Variants in EFNA4 observed in about 807,000 individuals in gnomAD.
EFNA4 encodes ephrin A4, also known as ephrin-A4.
A neutral mutation model predicts 23.7 loss-of-function variants in EFNA4; 22 were observed. That is an observed-to-expected ratio of 0.93 (90% confidence interval 0.66 to 1.32). The LOEUF (loss-of-function observed/expected upper bound fraction) is 1.32. EFNA4 is among the 40% of genes most tolerant of loss of function. The probability of loss-of-function intolerance (pLI) is 0.00; values close to 1 mark genes in which losing one functional copy is unlikely to be tolerated. For missense variants in EFNA4, 252 were observed against 252.3 expected (o/e 1.00, Z 0.01); for synonymous variants, 113 against 108.3 (o/e 1.04, Z -0.27).
chr1:155,067,438 G>T lies in EFNA4; in HGVS notation c.467G>T (p.Arg156Met). 6.2e-7 allele frequency: 1 copy of T among 1,614,174 alleles called. No homozygotes were observed. The highest frequency in any genetic ancestry group is 8.5e-7 in the Non-Finnish European group (1 of 1,180,022). Residue 156 changes from arginine to methionine, a missense_variant and splice_region_variant, in exon 3 of 4, where the codon AGG (arginine) becomes ATG (methionine). Physicochemically the swap from Arg to Met is moderately conservative, Grantham distance 91. Coordinates refer to ENST00000368409, the MANE Select transcript of EFNA4 (RefSeq NM_005227.3). ...CAGGTGTCTGTCTGCTGCAAGGAGAGGAGTAAGTGGGTTGGGAGCATGGAC... is the reference window on the plus strand; with the variant it reads ...CAGGTGTCTGTCTGCTGCAAGGAGATGAGTAAGTGGGTTGGGAGCATGGAC... ...RLQVSVCCKE[R>M]KSESAHPVGS...
intron 3 of EFNA4, among the ~76,000 whole-genome samples, chr1:155,068,356 C>G (rs1663100229): frequency 6.8e-6 from 1 of 146,844 alleles, no homozygotes; most frequent in Non-Finnish European, 1.5e-5. Context: ...ACCTCACCCT[C>G]CTGGGTGCAA....
Position 155,069,113 on chromosome 1 carries a change from G to T in EFNA4, c.*124G>T, listed in dbSNP as rs1484635748. ...CAGACCGACAAGATGGAGCATTGAT[G>T]GGGGAGATCAGAGGGTCTGAGGTGA... On this transcript the variant is annotated 3_prime_UTR_variant, in exon 4 of 4. Transcript: ENST00000368409. 10 of 1,611,048 alleles carry T rather than the reference G, an allele frequency of 6.2e-6. No individual in the cohort carries two copies. The highest frequency in any genetic ancestry group is 1.7e-5 in the Admixed American group (1 of 58,836).
rs71077978 is a variant in EFNA4 at position 155,068,427 on chromosome 1, ATTTTTTTTTT to A, written c.470-401_470-392del. Among the ~76,000 whole-genome samples the A allele has an allele frequency of 7.1e-3, 179 of 25,372 alleles. 2 individuals are homozygous for A. Among genetic ancestry groups the A allele is most frequent in the South Asian group, 0.011 (4 of 354 alleles). The allele number at this position is 25,372 out of a possible 152,430, so 16.6% of individuals were successfully genotyped here. A position where few individuals can be genotyped will look rare whatever the true frequency, so the allele number is the denominator to read the frequency against. ...ACTACAGGTGTGTGCCACCCAGCTG[ATTTTTTTTTT>A]TTTTTTTTTTTTTTTTTTTTTTTTA... On this transcript the variant is annotated intron_variant, in intron 3 of 3. Coordinates refer to ENST00000368409, the MANE Select transcript of EFNA4 (RefSeq NM_005227.3).
chr1:155,065,258 C>G (rs1240849592), intron 1 of EFNA4, among the ~76,000 whole-genome samples: 1 of 152,196 alleles, frequency 6.6e-6, no homozygotes, highest in Non-Finnish European at 1.5e-5. Context: ...TGATACAGGT[C>G]GTCCTTGGAC....
intron 1 of EFNA4, among the ~76,000 whole-genome samples, chr1:155,066,261 G>A (rs551252602): frequency 6.6e-6 from 1 of 152,188 alleles, no homozygotes; most frequent in East Asian, 1.9e-4. Flanking sequence ...TGTTTGAGGA[G>A]ACCTTTCCCA....
chr1:155,067,529 T>C, intron 3 of EFNA4, 89 bp downstream of exon 3: 1 of 1,448,194 alleles, frequency 6.9e-7, no homozygotes, highest in South Asian at 1.2e-5. Flanking sequence ...AGGATCAGAC[T>C]CCAGGGGTCC....
intron 1 of EFNA4, among the ~76,000 whole-genome samples, chr1:155,064,637 G>A (rs1662953199): frequency 6.6e-6 from 1 of 152,162 alleles, no homozygotes; most frequent in African/African-American, 2.4e-5. Flanking sequence ...CTCCTGAGCT[G>A]CCTGCCTTTG....
In EFNA4 at chr1:155,066,794, C is replaced by G. The variant is rs148289726; in HGVS notation, c.178C>G (p.His60Asp). 9 of 1,612,620 alleles carry G rather than the reference C, an allele frequency of 5.6e-6. No individual in the cohort carries two copies. The highest frequency in any genetic ancestry group is 1.7e-5 in the Admixed American group (1 of 59,636). The change falls in exon 2 of 4, where the codon CAC (histidine) becomes GAC (aspartate). Residue 60 changes from histidine (H) to aspartate (D), a missense_variant. Coordinates refer to ENST00000368409, the MANE Select transcript of EFNA4 (RefSeq NM_005227.3). ...LNDYLDIVCP[H>D]YEGPGPPEGP... Reference sequence around the variant, plus strand: ...CGATTACCTAGACATTGTCTGCCCCCACTACGAAGGCCCAGGGCCCCCTGA... The same window carrying G: ...CGATTACCTAGACATTGTCTGCCCCGACTACGAAGGCCCAGGGCCCCCTGA...
At chr1:155,066,390 C>A (rs1571652860) in intron 1 of EFNA4, among the ~76,000 whole-genome samples, 1 of 152,166 alleles carries the variant, frequency 6.6e-6, no homozygotes, top group African/African-American at 2.4e-5. Flanking sequence ...GGTGCTATAC[C>A]ACATTGAGTG....
chr1:155,069,005 CCT>C lies in EFNA4; in HGVS notation c.*20_*21del, dbSNP rs1558141164. 2 of 1,613,602 alleles carry C rather than the reference CCT, an allele frequency of 1.2e-6. No individual in the cohort carries two copies. The highest frequency in any genetic ancestry group is 1.7e-4 in the Middle Eastern group (1 of 6,052). On this transcript the variant is annotated 3_prime_UTR_variant, in exon 4 of 4. Transcript: ENST00000368409. ...AATTCTGTGAGCCAAGCAGACCTTC[CCT>C]CTCATCCCAAGGAGCCAGAGTCCTC...
At chr1:155,068,820 GGACTGATCA>G in intron 3 of EFNA4, 24 bp from the exon 4 acceptor site, 1 of 1,574,626 alleles carries the variant, frequency 6.4e-7, no homozygotes, top group South Asian at 1.2e-5. Flanking sequence ...TAAAGTGGGA[GGACTGATCA>G]GTGCTACCCC....
At chr1:155,064,415 T>G (rs903884311) in intron 1 of EFNA4, among the ~76,000 whole-genome samples, 1 of 152,242 alleles carries the variant, frequency 6.6e-6, no homozygotes, top group Admixed American at 6.5e-5. Flanking sequence ...CATCTCTGTC[T>G]TTATTGGTCC....
chr1:155,064,524 G>T (rs1354288970), intron 1 of EFNA4, among the ~76,000 whole-genome samples: 1 of 152,104 alleles, frequency 6.6e-6, no homozygotes, highest in East Asian at 1.9e-4. Flanking sequence ...CTGTATAATG[G>T]GCTAATAATA....
At chr1:155,064,056 T>C (rs552953766) in intron 1 of EFNA4, 120 bp downstream of exon 1, 1 of 723,418 alleles carries the variant, frequency 1.4e-6, no homozygotes, top group Non-Finnish European at 2.0e-6. Flanking sequence ...CGGGGCTCCT[T>C]TGTTTGAGCC....
At chr1:155,065,383 C>T (rs1173534663) in intron 1 of EFNA4, among the ~76,000 whole-genome samples, 1 of 152,138 alleles carries the variant, frequency 6.6e-6, no homozygotes, top group South Asian at 2.1e-4. Flanking sequence ...CCCACCTGTG[C>T]TGGCTTCCCC....
chr1:155,064,113 C>T (rs549822595), intron 1 of EFNA4, among the ~76,000 whole-genome samples, 177 bp downstream of exon 1: 2 of 152,320 alleles, frequency 1.3e-5, no homozygotes, highest in South Asian at 4.1e-4. Flanking sequence ...CCCTGGGTCT[C>T]CCCACAGCCC....
chr1:155,067,754 T>C (rs1663086260), intron 3 of EFNA4, among the ~76,000 whole-genome samples: 1 of 152,004 alleles, frequency 6.6e-6, no homozygotes, highest in South Asian at 2.1e-4. Flanking sequence ...CCGGAGTAGC[T>C]GGGACTACAG....
chr1:155,063,741 C>A lies in EFNA4; in HGVS notation c.-83C>A. The A allele has an allele frequency of 7.9e-7, 1 of 1,270,256 alleles. No homozygotes were observed. Among genetic ancestry groups the A allele is most frequent in the Non-Finnish European group, 1.0e-6 (1 of 953,696 alleles). 78.7% of individuals were successfully genotyped at this position (1,270,256 alleles called of 1,614,324 possible). A position where few individuals can be genotyped will look rare whatever the true frequency, so the allele number is the denominator to read the frequency against. ...ACCCCACTCCCCTTTCCGCAACTTC[C>A]CTCTTCACTTTGTACCTTTCTCTCC... On this transcript the variant is annotated 5_prime_UTR_variant, in exon 1 of 4. Transcript: ENST00000368409. This position sits in a 1 kb window ranked among gnomAD's most constrained non-coding sequence, Gnocchi z 4.1.
Position 155,063,930 on chromosome 1 carries a change from A to G in EFNA4, c.107A>G (p.Asn36Ser). 1 of 1,558,866 alleles carries G rather than the reference A, an allele frequency of 6.4e-7. No individual in the cohort carries two copies. The highest frequency in any genetic ancestry group is 8.7e-7 in the Non-Finnish European group (1 of 1,154,226). ...LRHVVYWNSS[N>S]PRLLRGDAVV... ...CACGTAGTCTACTGGAACTCCAGTAACCCCAGGTAGCCGGGCCGAACCGGG... is the reference window on the plus strand; with the variant it reads ...CACGTAGTCTACTGGAACTCCAGTAGCCCCAGGTAGCCGGGCCGAACCGGG... Residue 36 changes from asparagine to serine, a missense_variant, in exon 1 of 4, where the codon AAC becomes AGC. Transcript: ENST00000368409. The surrounding 1 kb of genome is among the most constrained non-coding windows in gnomAD (Gnocchi z 4.1).
Sources: gnomAD v4.1 joint callset for allele counts (sites outside exome capture counted in the v4.1 genomes callset) on GRCh38, gnomAD v4.1.1 for gene constraint, Gnocchi (gnomAD v3.1) non-coding constraint, MANE v1.5 for transcripts, NCBI Gene and HGNC (gene_info 2026-07-23, HGNC 2026-07-21) for gene names.